MAF: variants seen among roughly 807,000 people sequenced by gnomAD.
MAF encodes the protein MAF bZIP transcription factor, also known as transcription factor Maf.
A neutral mutation model predicts 22.0 loss-of-function variants in MAF; 10 were observed. That is an observed-to-expected ratio of 0.45 (90% CI 0.28 to 0.77). The LOEUF is 0.77. MAF is among the 30% of genes least tolerant of loss of function. The probability of loss-of-function intolerance (pLI) is 0.12; values close to 1 mark genes in which losing one functional copy is unlikely to be tolerated. For synonymous variants in MAF, 337 were observed against 255.8 expected (o/e 1.32, Z -3.03); for missense variants, 544 against 548.4 (o/e 0.99, Z 0.08).
chr16:79,365,265 G>A, the MAF span, among the ~76,000 whole-genome samples: 1 of 152,180 alleles, frequency 6.6e-6, no homozygotes, highest in East Asian at 1.9e-4. Flanking sequence ...GGTAGGCCCT[G>A]CTATCGTGCA....
chr16:79,590,921 C>T (rs886780921), downstream of MAF, among the ~76,000 whole-genome samples: 4 of 152,104 alleles, frequency 2.6e-5, no homozygotes, highest in African/African-American at 9.7e-5. Context: ...AAGTCAGAAA[C>T]GCACTTCTAC....
At chr16:79,213,458 G>A in the MAF span, among the ~76,000 whole-genome samples, 10,801 of 151,562 alleles carry the variant, frequency 0.071, 582 homozygotes, top group African/African-American at 0.14. Context: ...AAAAGCAGCC[G>A]TCAGAACTCC....
rs770572154 is a variant in MAF, at chr16:79,599,132, G to T, written c.771C>A (p.Phe257Leu). ...HPHHAAGGLHFDDRFSDEQLV... is the reference protein window; with the variant it reads ...HPHHAAGGLHLDDRFSDEQLV... Reference sequence around the variant, plus strand: ...GCTGCTCGTCGGAGAAGCGGTCGTCGAAGTGCAGGCCGCCGGCGGCGTGGT... The same window carrying T: ...GCTGCTCGTCGGAGAAGCGGTCGTCTAAGTGCAGGCCGCCGGCGGCGTGGT... The change falls in exon 1 of 2, where the codon TTC becomes TTA. Residue 257 changes from phenylalanine (F) to leucine (L), a missense_variant. This residue lies in a region of MAF where 342 missense variants were observed against 315.5 expected (regional missense o/e 1.08). Coordinates refer to ENST00000326043, the MANE Select transcript of MAF (RefSeq NM_005360.5). The T allele has an allele frequency of 6.3e-7, 1 of 1,585,352 alleles. No homozygotes were observed. Among genetic ancestry groups the T allele is most frequent in the African/African-American group, 1.3e-5 (1 of 74,522 alleles).
chr16:79,279,589 T>C, the MAF span, among the ~76,000 whole-genome samples: 1 of 152,056 alleles, frequency 6.6e-6, no homozygotes, highest in Admixed American at 6.5e-5. Flanking sequence ...GAGAGGGACA[T>C]TCAAGCACTG....
chr16:79,559,010 ATG>A, the MAF span, among the ~76,000 whole-genome samples: 1 of 152,078 alleles, frequency 6.6e-6, no homozygotes, highest in Non-Finnish European at 1.5e-5. Flanking sequence ...CTTACCTAGG[ATG>A]TGTCTTTTCA....
At chr16:79,417,993 G>A in the MAF span, among the ~76,000 whole-genome samples, 1 of 152,100 alleles carries the variant, frequency 6.6e-6, no homozygotes, top group African/African-American at 2.4e-5. Context: ...TTCCTCCTGC[G>A]CGGGTCTGGC....
At chr16:79,548,526 C>T in the MAF span, among the ~76,000 whole-genome samples, 292 of 152,352 alleles carry the variant, frequency 1.9e-3, 4 homozygotes, top group African/African-American at 6.6e-3. Flanking sequence ...AACAATTCTA[C>T]AAGAAAGTGT....
chr16:79,331,454 T>A, the MAF span, among the ~76,000 whole-genome samples: 11 of 152,230 alleles, frequency 7.2e-5, no homozygotes, highest in African/African-American at 2.7e-4. Context: ...ATCTACTAAC[T>A]TTGAAGTTTG....
At chr16:79,283,980 A>AG in the MAF span, among the ~76,000 whole-genome samples, 5 of 79,322 alleles carry the variant, frequency 6.3e-5, no homozygotes, top group South Asian at 5.5e-4. Flanking sequence ...AAAAAAAAAA[A>AG]AAAAAGACAA....
the MAF span, among the ~76,000 whole-genome samples, chr16:79,404,678 G>A: frequency 6.6e-6 from 1 of 151,182 alleles, no homozygotes; most frequent in Non-Finnish European, 1.5e-5. Flanking sequence ...ATTCTTAACT[G>A]TGAGTGAGAC....
At chr16:79,254,172 G>A in the MAF span, among the ~76,000 whole-genome samples, 3 of 152,088 alleles carry the variant, frequency 2.0e-5, no homozygotes, top group African/African-American at 4.8e-5. Flanking sequence ...AAATAATCAA[G>A]CATATTATTA....
chr16:79,312,699 C>T, the MAF span, among the ~76,000 whole-genome samples: 23 of 152,304 alleles, frequency 1.5e-4, no homozygotes, highest in South Asian at 8.3e-4. Context: ...CCCAGTGAGC[C>T]GCTACTTTCA....
At chr16:79,254,054 A>G in the MAF span, among the ~76,000 whole-genome samples, 151 of 151,464 alleles carry the variant, frequency 1.0e-3, 1 homozygote, top group Admixed American at 4.8e-3. Flanking sequence ...AAAACTCTTT[A>G]TATGTTATTT....
chr16:79,249,109 T>C, the MAF span, among the ~76,000 whole-genome samples: 2 of 152,198 alleles, frequency 1.3e-5, no homozygotes, highest in South Asian at 2.1e-4. Flanking sequence ...TCTACATGGA[T>C]GGATTAGTGC....
chr16:79,333,304 C>G, the MAF span, among the ~76,000 whole-genome samples: 2 of 152,264 alleles, frequency 1.3e-5, no homozygotes, highest in South Asian at 4.1e-4. Context: ...AGCTCAGACT[C>G]TGGGATCAGG....
chr16:79,319,885 T>G, the MAF span, among the ~76,000 whole-genome samples: 8 of 152,180 alleles, frequency 5.3e-5, no homozygotes, highest in Non-Finnish European at 7.3e-5. Flanking sequence ...GTTAGGCGAC[T>G]GTTTGATCAG....
At chr16:79,390,722 C>A in the MAF span, among the ~76,000 whole-genome samples, 1 of 152,124 alleles carries the variant, frequency 6.6e-6, no homozygotes, top group Admixed American at 6.5e-5. Flanking sequence ...TTAGAAACGA[C>A]TTGTGAGATC....
chr16:79,385,157 T>A, the MAF span, among the ~76,000 whole-genome samples: 1 of 152,312 alleles, frequency 6.6e-6, no homozygotes, highest in South Asian at 2.1e-4. Context: ...CATACTGAGA[T>A]GAAATAATGA....
the MAF span, among the ~76,000 whole-genome samples, chr16:79,297,617 G>C: frequency 2.0e-5 from 3 of 152,156 alleles, no homozygotes; most frequent in African/African-American, 7.2e-5. Flanking sequence ...AATCCAACGC[G>C]ATGATACAGA....
Sources: allele counts gnomAD v4.1 joint callset (sites outside exome capture counted in the v4.1 genomes callset), GRCh38; gene constraint gnomAD v4.1.1; regional missense constraint gnomAD v4.1.1; transcripts MANE v1.5; gene names NCBI Gene and HGNC (gene_info 2026-07-23, HGNC 2026-07-21).